The following CCBE1 variants were observed in gnomAD, a reference collection of about 807,000 sequenced individuals.
The protein encoded by CCBE1 is collagen and calcium-binding EGF domain-containing protein 1.
A neutral mutation model predicts 50.0 loss-of-function variants in CCBE1; 37 were observed. That is an observed-to-expected ratio of 0.74 (90% confidence interval 0.57 to 0.97). CCBE1 has a LOEUF of 0.97. Ranked by LOEUF, CCBE1 falls within the 50% of genes least tolerant of loss-of-function variation. The pLI is 0.00. For missense variants in CCBE1, 538 were observed against 523.8 expected (o/e 1.03, Z -0.26); for synonymous variants, 234 against 203.7 (o/e 1.15, Z -1.27).
At chr18:59,689,657 A>C (rs1466246151) in intron 2 of CCBE1, among the ~76,000 whole-genome samples, 1 of 152,220 alleles carries the variant, frequency 6.6e-6, no homozygotes, top group Non-Finnish European at 1.5e-5. Context: ...TGCCTTCTTT[A>C]AAACTCTGCT....
At chr18:59,513,941 C>A (rs775627253) in intron 2 of CCBE1, among the ~76,000 whole-genome samples, 3 of 152,204 alleles carry the variant, frequency 2.0e-5, no homozygotes, top group Admixed American at 6.5e-5. Context: ...ACTGGAGGAA[C>A]AGGGGACTTG....
chr18:59,600,070 T>C lies in CCBE1; in HGVS notation c.212+96559A>G, dbSNP rs73961276. Among the ~76,000 whole-genome samples the C allele has an allele frequency of 9.9e-4, 151 of 152,268 alleles. 1 individual carries two copies. Among genetic ancestry groups the C allele is most frequent in the African/African-American group, 3.4e-3 (140 of 41,548 alleles). On this transcript the variant is annotated intron_variant, in intron 2 of 10. Transcript: ENST00000439986. ...GCAACTATTGCTTTTGCTGTGTATG[T>C]CAGAAAAAATATTAGATATTTTTGT...
chr18:59,612,983 C>A (rs1217023237), intron 2 of CCBE1, among the ~76,000 whole-genome samples: 1 of 151,970 alleles, frequency 6.6e-6, no homozygotes, highest in Admixed American at 6.6e-5. Context: ...GAGGGCATAT[C>A]ATTAAGTGCT....
At chr18:59,438,181 G>A in intron 9 of CCBE1, 35 bp from the exon 10 acceptor site, 6 of 1,603,418 alleles carry the variant, frequency 3.7e-6, no homozygotes, top group Non-Finnish European at 5.1e-6. Context: ...GCTTTCTAGA[G>A]CACATGGATA....
At chr18:59,538,435 C>A (rs1915336905) in intron 2 of CCBE1, among the ~76,000 whole-genome samples, 2 of 152,142 alleles carry the variant, frequency 1.3e-5, no homozygotes, top group South Asian at 4.1e-4. Flanking sequence ...TGCCAAGAAG[C>A]AAATCAATCA....
intron 2 of CCBE1, among the ~76,000 whole-genome samples, chr18:59,660,458 C>G (rs968095360): frequency 2.6e-5 from 4 of 152,038 alleles, no homozygotes. Flanking sequence ...TCCTAAACAC[C>G]AACTTTAGTT....
chr18:59,536,579 C>G (rs2851870), intron 2 of CCBE1, among the ~76,000 whole-genome samples: 51,880 of 152,078 alleles, frequency 0.34, 9,129 homozygotes, highest in African/African-American at 0.37. Context: ...GCCAGGGGAA[C>G]TGCAACTTGG....
At chr18:59,674,895 A>G (rs138717626) in intron 2 of CCBE1, among the ~76,000 whole-genome samples, 49 of 152,382 alleles carry the variant, frequency 3.2e-4, no homozygotes, top group African/African-American at 1.0e-3. Context: ...ATAAATAACA[A>G]TAACATTTAG....
At chr18:59,583,030 G>GCTAGT (rs1314957855) in intron 2 of CCBE1, among the ~76,000 whole-genome samples, 3 of 152,098 alleles carry the variant, frequency 2.0e-5, no homozygotes, top group African/African-American at 7.2e-5. Flanking sequence ...TGTTGCCCAG[G>GCTAGT]CTAGTCTTGA....
At chr18:59,553,045 T>TC (rs1915985480) in intron 2 of CCBE1, among the ~76,000 whole-genome samples, 2 of 152,108 alleles carry the variant, frequency 1.3e-5, no homozygotes, top group Admixed American at 6.6e-5. Flanking sequence ...GAGGATCTCC[T>TC]CCTCCATGTG....
At chr18:59,569,305 C>T (rs1021202250) in intron 2 of CCBE1, among the ~76,000 whole-genome samples, 4 of 152,124 alleles carry the variant, frequency 2.6e-5, no homozygotes, top group Admixed American at 2.0e-4. Context: ...CACCTGATGC[C>T]GATTTTACTA....
rs1015088453 is a variant in CCBE1 at position 59,442,277 on chromosome 18, C to T, written c.776-2461G>A. Among the ~76,000 whole-genome samples, 6 of 152,110 alleles carry T rather than the reference C, an allele frequency of 3.9e-5. No homozygotes were observed. The South Asian group carries it at 6.2e-4, about 16-fold the overall frequency. ...ACTCGGTATAGTCTCAGTGCTGTGT[C>T]GATACGGGCTTCTGAAAGTAAGAAT... On this transcript the variant is annotated intron_variant, in intron 7 of 10. Coordinates refer to ENST00000439986, the MANE Select transcript of CCBE1 (RefSeq NM_133459.4).
At chr18:59,646,779 T>C (rs1041887465) in intron 2 of CCBE1, among the ~76,000 whole-genome samples, 5 of 152,254 alleles carry the variant, frequency 3.3e-5, no homozygotes, top group Non-Finnish European at 7.3e-5. Context: ...TGCAGCCAGC[T>C]GCACTGCTGA....
chr18:59,466,309 G>A (rs2143718973), intron 5 of CCBE1, among the ~76,000 whole-genome samples: 1 of 151,976 alleles, frequency 6.6e-6, no homozygotes, highest in Non-Finnish European at 1.5e-5. Context: ...GAGATCTGAT[G>A]GTTTATCAAT....
At chr18:59,601,198 A>T (rs2053427582) in intron 2 of CCBE1, among the ~76,000 whole-genome samples, 1 of 151,160 alleles carries the variant, frequency 6.6e-6, no homozygotes, top group African/African-American at 2.4e-5. Flanking sequence ...TGCCCAGCTT[A>T]TTTTTTGTAG....
intron 2 of CCBE1, among the ~76,000 whole-genome samples, chr18:59,672,609 C>T (rs1367421066): frequency 1.3e-5 from 2 of 152,188 alleles, no homozygotes; most frequent in African/African-American, 4.8e-5. Flanking sequence ...CTCAGCTCCT[C>T]CAGTGCCAGC....
intron 2 of CCBE1, among the ~76,000 whole-genome samples, chr18:59,657,391 C>T (rs112766728): frequency 0.021 from 3,190 of 152,260 alleles, 44 homozygotes; most frequent in East Asian, 0.066. Context: ...GTAGAGATCC[C>T]GAAGACCAAC....
intron 2 of CCBE1, among the ~76,000 whole-genome samples, chr18:59,535,032 C>T (rs1198314162): frequency 6.6e-6 from 1 of 152,218 alleles, no homozygotes; most frequent in Non-Finnish European, 1.5e-5. Flanking sequence ...ACACCAGTTT[C>T]GAATCCCCAA....
rs574382872 is a variant in CCBE1 at position 59,594,542 on chromosome 18, G to C, written c.212+102087C>G. 2.3e-3 allele frequency among the ~76,000 whole-genome samples: 349 copies of C among 152,306 alleles called. 3 individuals are homozygous for C. Among genetic ancestry groups the C allele is most frequent in the Non-Finnish European group, 4.3e-3 (291 of 68,028 alleles). ...TTAATGGTGAAAGCAGTAAGCTTCTGTTATGTATGTTTTTCTACAAAGTTA... is the reference window on the plus strand; with the variant it reads ...TTAATGGTGAAAGCAGTAAGCTTCTCTTATGTATGTTTTTCTACAAAGTTA... On this transcript the variant is annotated intron_variant, in intron 2 of 10. Transcript: ENST00000439986.
Sources: gnomAD v4.1 joint callset for allele counts (sites outside exome capture counted in the v4.1 genomes callset) on GRCh38, gnomAD v4.1.1 for gene constraint, MANE v1.5 for transcripts, NCBI Gene and HGNC (gene_info 2026-07-23, HGNC 2026-07-21) for gene names.